The following TEDC2 variants were observed in gnomAD, a reference collection of about 807,000 sequenced individuals.
The protein encoded by TEDC2 is tubulin epsilon and delta complex 2.
A neutral mutation model predicts 48.1 loss-of-function variants in TEDC2; 49 were observed. The ratio of observed to expected loss-of-function variants is 1.02; its 90% CI spans 0.81 to 1.29. TEDC2 has a LOEUF of 1.29. Among genes scored for constraint, TEDC2 ranks in the 50% most tolerant of loss-of-function variants. The pLI, the probability that TEDC2 is intolerant of heterozygous loss-of-function variation, is 0.00. For missense variants in TEDC2, 631 were observed against 571.4 expected, an observed-to-expected ratio of 1.10 and a Z score of -1.06; for synonymous variants, 299 against 247.1, an observed-to-expected ratio of 1.21 and a Z score of -1.97.
Position 2,464,636 on chromosome 16 carries a change from C to CT in TEDC2, c.1272dup (p.Thr425TyrfsTer6), listed in dbSNP as rs748095155. 2.2e-5 allele frequency: 35 copies of CT among 1,612,844 alleles called. 1 individual carries two copies. The South Asian group carries it at 3.7e-4, about 17-fold the overall frequency. On this transcript the variant is annotated frameshift_variant, in exon 10 of 10. Transcript: ENST00000361837. LOFTEE classifies it high-confidence loss of function. ...GCTCTGCGAGGGAGGAGCACGTGTC[C>CT]TTACCATCCTGCGGGATGAACCTGC... is the stretch of plus-strand genomic sequence containing the variant.
In TEDC2 at chr16:2,461,190, C is replaced by T; in HGVS notation, c.571C>T (p.Gln191Ter). 2 of 1,503,462 alleles carry T rather than the reference C, an allele frequency of 1.3e-6. No homozygotes were observed. The highest frequency in any genetic ancestry group is 1.8e-6 in the Non-Finnish European group (2 of 1,127,416). 93.1% of individuals were successfully genotyped at this position (1,503,462 alleles called of 1,614,324 possible). The stretch of plus-strand genomic sequence containing the variant: ...GCAAATGGCCCCATCCGCTGCTCCT[C>T]AGGCCCCAGAAGCCTTCACACTCAA... ...DQQMAPSAAPQAPEAFTLKEK... is the reference protein window; with the variant it reads ...DQQMAPSAAP The change falls in exon 4 of 10, where the codon CAG (glutamine) becomes TAG (stop). Residue 191 changes from glutamine to a stop codon, truncating the protein, a stop_gained. Coordinates refer to ENST00000361837, the MANE Select transcript of TEDC2 (RefSeq NM_025108.3). LOFTEE classifies it high-confidence loss of function.
chr16:2,460,910 C>G lies in TEDC2; in HGVS notation c.291C>G (p.Ala97=), dbSNP rs374206864. ...GAGTTCGAAGAGGCATCACTAAGGC[C>G]GGAGAGAGAGACAAGGCCCCCAGCC... The part of the protein sequence containing the change: ...AVRVRRGITK[A]GERDKAPSLK... Residue 97 remains alanine (A), a synonymous_variant, in exon 4 of 10, where the codon GCC becomes GCG. Transcript: ENST00000361837. 21 of 1,613,472 alleles carry G rather than the reference C, an allele frequency of 1.3e-5. No individual in the cohort carries two copies. Among genetic ancestry groups the G allele is most frequent in the East Asian group, 2.2e-5 (1 of 44,894 alleles).
chr16:2,462,849 G>A, intron 8 of TEDC2, 117 bp downstream of exon 8: 1 of 970,408 alleles, frequency 1.0e-6, no homozygotes, highest in Non-Finnish European at 1.5e-6. Context: ...CCAGATGCAA[G>A]TTGGTGGGCC....
At chr16:2,461,588 G>A (rs1256919169) in intron 4 of TEDC2, 159 bp from the exon 5 acceptor site, 1 of 827,278 alleles carries the variant, frequency 1.2e-6, no homozygotes, top group Non-Finnish European at 1.9e-6. Flanking sequence ...TTCTCCTATG[G>A]CCACTCTGGA....
chr16:2,460,338 T>A lies in TEDC2; in HGVS notation c.82T>A (p.Leu28Met), dbSNP rs1469120168. Residue 28 changes from leucine (L) to methionine (M), a missense_variant, in exon 2 of 10, where the codon TTG becomes ATG. Transcript: ENST00000361837. ...CGCCTGCGCACAGCGACAATTGCAA[T>A]TGGAGCAGAGCCTGCGCGTTTGCCG... Reference protein sequence around the residue: ...LDACAQRQLQLEQSLRVCRRL... With the variant: ...LDACAQRQLQMEQSLRVCRRL... 1.3e-6 allele frequency: 2 copies of A among 1,541,608 alleles called. No individual in the cohort carries two copies. The highest frequency in any genetic ancestry group is 8.7e-7 in the Non-Finnish European group (1 of 1,145,380).
In TEDC2 at chr16:2,460,289, G is replaced by T; in HGVS notation, c.33G>T (p.Val11=). The change falls in exon 2 of 10, where the codon GTG becomes GTT. Residue 11 remains valine, a synonymous_variant. Transcript: ENST00000361837. ...CCGCCGGTGCGTCCCCCAGGCTGGT[G>T]GCCGAGCTGCAGGGCGCCCTGGACG... MLPAGCSRRL[V]AELQGALDAC... 2.0e-6 allele frequency: 3 copies of T among 1,527,818 alleles called. No individual in the cohort carries two copies. Among genetic ancestry groups the T allele is most frequent in the Non-Finnish European group, 2.6e-6 (3 of 1,142,322 alleles). The allele number at this position is 1,527,818 out of a possible 1,614,324, so 94.6% of individuals were successfully genotyped here. A position where few individuals can be genotyped will look rare whatever the true frequency, so the allele number is the denominator to read the frequency against.
rs371882053 is a variant in TEDC2 at position 2,462,264 on chromosome 16, C to T, written c.750+25C>T. The T allele has an allele frequency of 2.5e-5, 41 of 1,611,584 alleles. No homozygotes were observed. The African/African-American group carries it at 4.9e-4, about 19-fold the overall frequency. ...TGTATCCTTGCTGGGCTTGTGGGAG[C>T]CCTGGGGGCCTCTAGCTCTGAACCT... On this transcript the variant is annotated intron_variant, in intron 6 of 9. Transcript: ENST00000361837.
intron 8 of TEDC2, 102 bp downstream of exon 8, chr16:2,462,834 A>G (rs981719295): frequency 1.1e-4 from 122 of 1,148,698 alleles, no homozygotes; most frequent in Non-Finnish European, 7.1e-5. Flanking sequence ...TGAGCAGCCC[A>G]GGGACCAGAT....
In TEDC2 at chr16:2,462,839, C is replaced by T; in HGVS notation, c.964+107C>T. On this transcript the variant is annotated intron_variant, in intron 8 of 9. Transcript: ENST00000361837. ...CAGGGAAGGGTGAGCAGCCCAGGGA[C>T]CAGATGCAAGTTGGTGGGCCCCTCC... is the stretch of plus-strand genomic sequence containing the variant. 7 of 1,092,698 alleles carry T rather than the reference C, an allele frequency of 6.4e-6. No individual in the cohort carries two copies. In the South Asian group the frequency reaches 1.1e-4, roughly 18 times the overall value. 67.7% of individuals were successfully genotyped at this position (1,092,698 alleles called of 1,614,324 possible). A position where few individuals can be genotyped will look rare whatever the true frequency, so the allele number is the denominator to read the frequency against.
intron 4 of TEDC2, 101 bp downstream of exon 4, chr16:2,461,325 A>G: frequency 7.3e-7 from 1 of 1,366,520 alleles, no homozygotes; most frequent in Non-Finnish European, 9.7e-7. Flanking sequence ...AAGGCAGGGC[A>G]TCGAGCCCTG....
At chr16:2,461,375 T>G in intron 4 of TEDC2, 151 bp downstream of exon 4, 6 of 1,089,502 alleles carry the variant, frequency 5.5e-6, no homozygotes, top group Non-Finnish European at 7.5e-6. Context: ...GCTGGCAGAA[T>G]GAAGCAGCTG....
Position 2,460,910 on chromosome 16 carries a change from C to T in TEDC2, c.291C>T (p.Ala97=), listed in dbSNP as rs374206864. Residue 97 remains alanine, a synonymous_variant, in exon 4 of 10, where the codon GCC becomes GCT. Transcript: ENST00000361837. Reference sequence around the variant, plus strand: ...GAGTTCGAAGAGGCATCACTAAGGCCGGAGAGAGAGACAAGGCCCCCAGCC... The same window carrying T: ...GAGTTCGAAGAGGCATCACTAAGGCTGGAGAGAGAGACAAGGCCCCCAGCC... ...AVRVRRGITK[A]GERDKAPSLK... is the part of the protein sequence containing the mutation. 68 of 1,613,472 alleles carry T rather than the reference C, an allele frequency of 4.2e-5. 1 individual carries two copies. The African/African-American group carries it at 4.4e-4, about 10-fold the overall frequency.
chr16:2,460,631 C>T lies in TEDC2; in HGVS notation c.134C>T (p.Thr45Ile). 2 of 1,612,972 alleles carry T rather than the reference C, an allele frequency of 1.2e-6. No homozygotes were observed. The highest frequency in any genetic ancestry group is 1.7e-6 in the Non-Finnish European group (2 of 1,179,952). Residue 45 changes from threonine (T) to isoleucine (I), a missense_variant, in exon 3 of 10, where the codon ACT (threonine) becomes ATT (isoleucine). Transcript: ENST00000361837. ...CRRLLHAWEPTGTRALKPPPG... is the reference protein window; with the variant it reads ...CRRLLHAWEPIGTRALKPPPG... ...TGCCCGTGTCTTTGCAGGGAACCAA[C>T]TGGGACCCGGGCTTTGAAGCCACCT...
chr16:2,460,689 TC>T lies in TEDC2; in HGVS notation c.194del (p.Pro65GlnfsTer16). On this transcript the variant is annotated frameshift_variant, in exon 3 of 10. Coordinates refer to ENST00000361837, the MANE Select transcript of TEDC2 (RefSeq NM_025108.3). LOFTEE classifies it high-confidence loss of function. ...CAGAAACTAATGGAGAGGACCCCCT[TC>T]CAGGTAAACCTCCACCACCCGCCTT... Reference protein sequence around the residue: ...GPETNGEDPLPACTPSPQDLK... With the variant: ...GPETNGEDPLXACTPSPQDLK... 1 of 1,613,070 alleles carries T rather than the reference TC, an allele frequency of 6.2e-7. No homozygotes were observed. Among genetic ancestry groups the T allele is most frequent in the Non-Finnish European group, 8.5e-7 (1 of 1,179,998 alleles).
In TEDC2 at chr16:2,464,756, G is replaced by A. The variant is rs2065490411; in HGVS notation, c.*88G>A. ...TGCTCGGGGACCCAGAGATGCCTGT[G>A]CTTCCCTGGGAAACCTGGTGAACTG... On this transcript the variant is annotated 3_prime_UTR_variant, in exon 10 of 10. Transcript: ENST00000361837. 6.5e-7 allele frequency: 1 copy of A among 1,542,294 alleles called. No individual in the cohort carries two copies.
chr16:2,462,867 C>G (rs2065475658), intron 8 of TEDC2, 135 bp downstream of exon 8: 1 of 738,610 alleles, frequency 1.4e-6, no homozygotes, highest in African/African-American at 1.8e-5. Flanking sequence ...GCCCCTCCAC[C>G]CCTCCCACGC....
At position 2,464,056 on chromosome 16, in the gene TEDC2, C is replaced by T; in HGVS notation, c.982C>T (p.Pro328Ser). 1 of 1,612,668 alleles carries T rather than the reference C, an allele frequency of 6.2e-7. No homozygotes were observed. The highest frequency in any genetic ancestry group is 8.5e-7 in the Non-Finnish European group (1 of 1,179,876). Reference protein sequence around the residue: ...ELRAAVAEQPPRPCPVGRPPG... With the variant: ...ELRAAVAEQPSRPCPVGRPPG... Reference sequence around the variant, plus strand: ...GCACACAGCGGTGGCGGAACAGCCACCAAGACCATGTCCTGTGGGGAGGCC... The same window carrying T: ...GCACACAGCGGTGGCGGAACAGCCATCAAGACCATGTCCTGTGGGGAGGCC... The change falls in exon 9 of 10, where the codon CCA becomes TCA. Residue 328 changes from proline (P) to serine (S), a missense_variant. Transcript: ENST00000361837.
In TEDC2 at chr16:2,461,181, G is replaced by A. The variant is rs752950230; in HGVS notation, c.562G>A (p.Ala188Thr). The change falls in exon 4 of 10, where the codon GCT (alanine) becomes ACT (threonine). Residue 188 changes from alanine (A) to threonine (T), a missense_variant. Physicochemically the swap from Ala to Thr is moderately conservative, Grantham distance 58. Transcript: ENST00000361837. Reference sequence around the variant, plus strand: ...CAGGGACCAGCAAATGGCCCCATCCGCTGCTCCTCAGGCCCCAGAAGCCTT... The same window carrying A: ...CAGGGACCAGCAAATGGCCCCATCCACTGCTCCTCAGGCCCCAGAAGCCTT... ...GLRDQQMAPSAAPQAPEAFTL... is the reference protein window; with the variant it reads ...GLRDQQMAPSTAPQAPEAFTL... 3 of 1,509,524 alleles carry A rather than the reference G, an allele frequency of 2.0e-6. No individual in the cohort carries two copies. The highest frequency in any genetic ancestry group is 1.3e-5 in the South Asian group (1 of 74,876). The allele number at this position is 1,509,524 out of a possible 1,614,324, so 93.5% of individuals were successfully genotyped here. A position where few individuals can be genotyped will look rare whatever the true frequency, so the allele number is the denominator to read the frequency against.
Position 2,462,226 on chromosome 16 carries a change from A to G in TEDC2, c.737A>G (p.Asn246Ser), listed in dbSNP as rs1199835229. The G allele has an allele frequency of 6.2e-7, 1 of 1,613,294 alleles. No individual in the cohort carries two copies. Among genetic ancestry groups the G allele is most frequent in the East Asian group, 2.2e-5 (1 of 44,882 alleles). The change falls in exon 6 of 10, where the codon AAC becomes AGC. Residue 246 changes from asparagine (N) to serine (S), a missense_variant. Physicochemically the swap from Asn to Ser is conservative, Grantham distance 46 (BLOSUM62 1). Transcript: ENST00000361837. Reference protein sequence around the residue: ...AAAAKTQFLQNMQTASGGPQP... With the variant: ...AAAAKTQFLQSMQTASGGPQP... ...GCTGCCAAAACCCAGTTCCTCCAGA[A>G]CATGCAGACAGCTGTATCCTTGCTG...
Sources: gnomAD v4.1 joint callset for allele counts on GRCh38, gnomAD v4.1.1 for gene constraint, MANE v1.5 for transcripts, NCBI Gene and HGNC (gene_info 2026-07-23, HGNC 2026-07-21) for gene names.